The following COBL variants were observed in gnomAD, a reference collection of about 807,000 sequenced individuals.
COBL encodes cordon-bleu WH2 repeat protein, also known as protein cordon-bleu.
In COBL, 51 loss-of-function variants were observed where a neutral mutation model predicts 98.8. The ratio of observed to expected loss-of-function variants is 0.52; its 90% CI spans 0.41 to 0.65. The LOEUF (loss-of-function observed/expected upper bound fraction) is 0.65. Ranked by LOEUF, COBL falls within the 30% of genes least tolerant of loss-of-function variation. COBL has a pLI of 0.00. For missense variants in COBL, 1,617 were observed against 1,617.5 expected, an observed-to-expected ratio of 1.00 and a Z score of 0.01; for synonymous variants, 634 against 651.7, an observed-to-expected ratio of 0.97 and a Z score of 0.41.
rs182657397 is a variant in COBL, at chr7:51,223,767, A to G, written c.42-3823T>C. ...GATCAGTGATATCTACGTTGGCTGC[A>G]CTGTGGCTGGAAGCACTTGGGGAGC... On this transcript the variant is annotated intron_variant, in intron 1 of 12. Transcript: ENST00000265136. Among the ~76,000 whole-genome samples, 7 of 152,346 alleles carry G rather than the reference A, an allele frequency of 4.6e-5. No homozygotes were observed. In the East Asian group the frequency reaches 1.4e-3, roughly 29 times the overall value.
At chr7:51,293,424 A>G (rs945714555) in intron 1 of COBL, among the ~76,000 whole-genome samples, 1 of 152,246 alleles carries the variant, frequency 6.6e-6, no homozygotes, top group African/African-American at 2.4e-5. Context: ...ATAAAGAGGG[A>G]TGAACAATAG....
At chr7:51,075,561 C>G (rs185793812) in intron 7 of COBL, among the ~76,000 whole-genome samples, 1 of 152,150 alleles carries the variant, frequency 6.6e-6, no homozygotes, top group East Asian at 1.9e-4. Flanking sequence ...AATTGTATGT[C>G]TATATAATTT....
At chr7:51,067,116 G>T (rs540517282) in intron 7 of COBL, among the ~76,000 whole-genome samples, 3 of 152,184 alleles carry the variant, frequency 2.0e-5, no homozygotes, top group Non-Finnish European at 4.4e-5. Context: ...ATTGTGTGTG[G>T]GGTGGCGTGG....
chr7:51,120,132 T>A (rs924675141), intron 6 of COBL, among the ~76,000 whole-genome samples: 1 of 151,890 alleles, frequency 6.6e-6, no homozygotes, highest in Non-Finnish European at 1.5e-5. Flanking sequence ...ATAGAAAAAA[T>A]AGAAAACAAC....
At chr7:51,186,935 G>A (rs969265435) in intron 4 of COBL, among the ~76,000 whole-genome samples, 28 of 152,300 alleles carry the variant, frequency 1.8e-4, no homozygotes, top group African/African-American at 6.3e-4. Context: ...TCGAACACAC[G>A]CAAGTGAGCT....
intron 5 of COBL, among the ~76,000 whole-genome samples, chr7:51,158,861 GGTGGGAGACAGGGAAGGC>G (rs567563869): frequency 1.3e-5 from 2 of 152,278 alleles, no homozygotes; most frequent in South Asian, 2.1e-4. Context: ...CGAGGCACGG[GGTGGGAGACAGGGAAGGC>G]GTGGGGGACA....
chr7:51,220,768 T>C (rs180868655), intron 1 of COBL, among the ~76,000 whole-genome samples: 175 of 152,112 alleles, frequency 1.2e-3, no homozygotes, highest in Non-Finnish European at 2.1e-3. Context: ...AACAGGCGGT[T>C]TTTCAATCCT....
rs796542791 is a variant in COBL at position 51,304,740 on chromosome 7, G to GA, written c.41+11852dup. Among the ~76,000 whole-genome samples the GA allele has an allele frequency of 2.3e-4, 34 of 148,590 alleles. No homozygotes were observed. The East Asian group carries it at 3.7e-3, about 16-fold the overall frequency. On this transcript the variant is annotated intron_variant, in intron 1 of 12. Coordinates refer to ENST00000265136, the MANE Select transcript of COBL (RefSeq NM_015198.5). ...AATATTTTATAATGAAAAATAATTG[G>GA]AAAAAAAAAATAGGAACTGTCCTGT...
At chr7:51,068,488 T>C (rs577675654) in intron 7 of COBL, among the ~76,000 whole-genome samples, 6 of 152,344 alleles carry the variant, frequency 3.9e-5, no homozygotes, top group African/African-American at 1.4e-4. Context: ...TTGCTAACTT[T>C]CCCATTCGAT....
At chr7:51,284,635 T>G (rs1160158599) in intron 1 of COBL, among the ~76,000 whole-genome samples, 1 of 151,800 alleles carries the variant, frequency 6.6e-6, no homozygotes, top group African/African-American at 2.4e-5. Flanking sequence ...GAGACCAGCC[T>G]GGCCAACATA....
At chr7:51,112,825 T>C (rs1483765467) in intron 6 of COBL, among the ~76,000 whole-genome samples, 1 of 152,196 alleles carries the variant, frequency 6.6e-6, no homozygotes, top group African/African-American at 2.4e-5. Context: ...CCCATCTAGA[T>C]CTGTTTTGAA....
chr7:51,101,020 C>T (rs954555579), intron 6 of COBL, among the ~76,000 whole-genome samples: 1 of 152,218 alleles, frequency 6.6e-6, no homozygotes, highest in African/African-American at 2.4e-5. Flanking sequence ...CTGGCTCACT[C>T]ATTGTTACAC....
intron 8 of COBL, 45 bp from the exon 9 acceptor site, chr7:51,030,954 T>C (rs1788078785): frequency 8.1e-7 from 1 of 1,234,666 alleles, no homozygotes; most frequent in Non-Finnish European, 1.2e-6. Context: ...CTCTTACTAT[T>C]GATTTAATGT....
chr7:51,200,127 C>T (rs773623483), intron 2 of COBL, among the ~76,000 whole-genome samples: 5 of 152,010 alleles, frequency 3.3e-5, no homozygotes, highest in Admixed American at 6.6e-5. Context: ...CAGCAAAGTA[C>T]TGAAAGAAAA....
At chr7:51,024,263 C>T (rs138517649) in intron 12 of COBL, among the ~76,000 whole-genome samples, 5,602 of 151,890 alleles carry the variant, frequency 0.037, 362 homozygotes, top group African/African-American at 0.13. Flanking sequence ...GAGCCGAGAT[C>T]GCGTCACTGC....
intron 1 of COBL, among the ~76,000 whole-genome samples, chr7:51,293,555 G>A (rs1378938583): frequency 6.6e-6 from 1 of 152,164 alleles, no homozygotes; most frequent in Admixed American, 6.5e-5. Flanking sequence ...TTGCAAAGAA[G>A]CACAAGAAAC....
At chr7:51,140,673 A>C (rs964606711) in intron 5 of COBL, among the ~76,000 whole-genome samples, 2 of 152,238 alleles carry the variant, frequency 1.3e-5, no homozygotes, top group African/African-American at 4.8e-5. Flanking sequence ...TGACAGGGAC[A>C]AGGAGCTATG....
At chr7:51,175,449 C>T (rs141573721) in intron 5 of COBL, among the ~76,000 whole-genome samples, 1 of 152,228 alleles carries the variant, frequency 6.6e-6, no homozygotes, top group African/African-American at 2.4e-5. Flanking sequence ...TTTCTCAGTC[C>T]CTTGGAGATG....
intron 2 of COBL, among the ~76,000 whole-genome samples, chr7:51,212,969 G>A (rs765023236): frequency 6.6e-6 from 1 of 152,228 alleles, no homozygotes; most frequent in Non-Finnish European, 1.5e-5. Context: ...AAGTAAATAG[G>A]TAACTCAGTG....
Sources: gnomAD v4.1 joint callset for allele counts (sites outside exome capture counted in the v4.1 genomes callset) on GRCh38, gnomAD v4.1.1 for gene constraint, MANE v1.5 for transcripts, NCBI Gene and HGNC (gene_info 2026-07-23, HGNC 2026-07-21) for gene names.